The following LHX4 variants were observed in gnomAD, a reference collection of about 807,000 sequenced individuals.
LHX4 encodes the protein LIM homeobox 4.
LHX4 carries 16 observed loss-of-function variants against 39.2 expected under a neutral mutation model. The ratio of observed to expected loss-of-function variants is 0.41; its 90% CI spans 0.28 to 0.62. The LOEUF is 0.62. Among genes scored for constraint, LHX4 ranks in the 20% least tolerant of loss-of-function variants. LHX4 has a pLI of 0.33. For missense variants in LHX4, 439 were observed against 511.9 expected (o/e 0.86, Z 1.37); for synonymous variants, 206 against 198.1 (o/e 1.04, Z -0.33).
At chr1:180,257,792 C>T (rs71630256) in intron 2 of LHX4, among the ~76,000 whole-genome samples, 21,429 of 152,190 alleles carry the variant, frequency 0.14, 1,858 homozygotes, top group Admixed American at 0.22. Flanking sequence ...GGCAGCTCCA[C>T]GCACAGGAGG....
intron 1 of LHX4, among the ~76,000 whole-genome samples, chr1:180,240,407 T>G (rs1234889329): frequency 6.6e-6 from 1 of 152,166 alleles, no homozygotes; most frequent in Non-Finnish European, 1.5e-5. Context: ...AATGGAAAGA[T>G]CTGAAATTCT....
Position 180,248,447 on chromosome 1 carries a change from ACTT to A in LHX4, c.244_246del (p.Phe82del). 1 of 1,614,064 alleles carries A rather than the reference ACTT, an allele frequency of 6.2e-7. No individual in the cohort carries two copies. Among genetic ancestry groups the A allele is most frequent in the Non-Finnish European group, 8.5e-7 (1 of 1,180,020 alleles). On this transcript the variant is annotated inframe_deletion, in exon 2 of 6. Transcript: ENST00000263726. ...GCTGGGAGCGTCTACTGCAAGGAGG[ACTT>A]CTTCAAGTAAGTCAGAACGGTCCGT...
chr1:180,263,962 C>A (rs1648211418), intron 2 of LHX4, among the ~76,000 whole-genome samples: 1 of 152,098 alleles, frequency 6.6e-6, no homozygotes, highest in African/African-American at 2.4e-5. Flanking sequence ...AGCCTTGTTT[C>A]ATTTTAATTA....
intron 3 of LHX4, among the ~76,000 whole-genome samples, chr1:180,268,553 G>A (rs1648433988): frequency 6.6e-6 from 1 of 152,226 alleles, no homozygotes; most frequent in Admixed American, 6.5e-5. Flanking sequence ...AGAACTGGCT[G>A]ACCCTCGGCT....
chr1:180,246,947 C>A (rs1030071106), intron 1 of LHX4, among the ~76,000 whole-genome samples: 1 of 152,148 alleles, frequency 6.6e-6, no homozygotes, highest in African/African-American at 2.4e-5. Context: ...GCAAAGGTGT[C>A]TTTTATAATA....
At chr1:180,267,037 G>T (rs1378319100) in intron 3 of LHX4, among the ~76,000 whole-genome samples, 2 of 152,062 alleles carry the variant, frequency 1.3e-5, no homozygotes, top group African/African-American at 4.8e-5. Flanking sequence ...CCGTCGGTGA[G>T]AGCCCAGCAC....
rs1193157968 is a variant in LHX4 at position 180,276,970 on chromosome 1, T to C, written c.*2391T>C. The C allele has an allele frequency of 1.3e-5, 2 of 152,158 alleles. No individual in the cohort carries two copies. Among genetic ancestry groups the C allele is most frequent in the African/African-American group, 2.4e-5 (1 of 41,422 alleles). The allele number at this position is 152,158 out of a possible 1,614,324, so 9.4% of individuals were successfully genotyped here. A position where few individuals can be genotyped will look rare whatever the true frequency, so the allele number is the denominator to read the frequency against. ...GCCTTCCTCATTTATACTAATAATA[T>C]AATAAATCTCTTGAGGAACTCAGTG... On this transcript the variant is annotated 3_prime_UTR_variant, in exon 6 of 6. Coordinates refer to ENST00000263726, the MANE Select transcript of LHX4 (RefSeq NM_033343.4).
chr1:180,271,220 T>G (rs1236676471), intron 3 of LHX4, 160 bp from the exon 4 acceptor site: 3 of 777,778 alleles, frequency 3.9e-6, no homozygotes, highest in Non-Finnish European at 6.8e-6. Flanking sequence ...GTCAGTGCCA[T>G]GAGAGTGGGG....
At chr1:180,258,983 C>T (rs1029225615) in intron 2 of LHX4, among the ~76,000 whole-genome samples, 2 of 151,686 alleles carry the variant, frequency 1.3e-5, no homozygotes, top group South Asian at 2.1e-4. Context: ...GCAGAGGGTG[C>T]GGGGGGTGTT....
rs558679076 is a variant in LHX4 at position 180,278,111 on chromosome 1, C to T, written c.*3532C>T. The T allele has an allele frequency of 8.5e-5, 13 of 152,306 alleles. No homozygotes were observed. Among genetic ancestry groups the T allele is most frequent in the Admixed American group, 2.6e-4 (4 of 15,302 alleles). The allele number at this position is 152,306 out of a possible 1,614,324, so 9.4% of individuals were successfully genotyped here. On this transcript the variant is annotated 3_prime_UTR_variant, in exon 6 of 6. Coordinates refer to ENST00000263726, the MANE Select transcript of LHX4 (RefSeq NM_033343.4). The stretch of plus-strand genomic sequence containing the variant: ...TCCACTCTCTGCACCTACACTTCCA[C>T]GTGCCACGACTGACAACTTGGTTAT...
chr1:180,259,943 G>C (rs1017630726), intron 2 of LHX4, among the ~76,000 whole-genome samples: 3 of 151,664 alleles, frequency 2.0e-5, no homozygotes, highest in Admixed American at 2.0e-4. Flanking sequence ...GTCTGGGGGA[G>C]TGAGCGGTGG....
Position 180,234,195 on chromosome 1 carries a change from A to ATATATATATT in LHX4, c.76+3599_76+3600insTTATATATAT, listed in dbSNP as rs1664254610. Among the ~76,000 whole-genome samples, 2 of 89,276 alleles carry ATATATATATT rather than the reference A, an allele frequency of 2.2e-5. 1 individual carries two copies. The highest frequency in any genetic ancestry group is 4.2e-5 in the Non-Finnish European group (2 of 47,820). 58.6% of individuals were successfully genotyped at this position (89,276 alleles called of 152,430 possible). ...TATATATATATATATATATATATATATATATATATATATATATATATATAT... is the reference window on the plus strand; with the variant it reads ...TATATATATATATATATATATATATATATATATATTTATATATATATATATATATATATAT... On this transcript the variant is annotated intron_variant, in intron 1 of 5. Coordinates refer to ENST00000263726, the MANE Select transcript of LHX4 (RefSeq NM_033343.4). The surrounding 1 kb of genome is among the most constrained non-coding windows in gnomAD (Gnocchi z 4.8).
rs1260519311 is a variant in LHX4, at chr1:180,271,207, G to GGAGT, written c.452-172_452-169dup. On this transcript the variant is annotated intron_variant, in intron 3 of 5. Coordinates refer to ENST00000263726, the MANE Select transcript of LHX4 (RefSeq NM_033343.4). The stretch of plus-strand genomic sequence containing the variant: ...GTGGCTTGGGAAGGCCCGTGGTGCA[G>GGAGT]GAGTCAGTGCCATGAGAGTGGGGAC... The GGAGT allele has an allele frequency of 4.3e-5, 31 of 721,128 alleles. No individual in the cohort carries two copies. In the Middle Eastern group the frequency reaches 2.3e-3, roughly 53 times the overall value. The allele number at this position is 721,128 out of a possible 1,614,324, so 44.7% of individuals were successfully genotyped here. A position where few individuals can be genotyped will look rare whatever the true frequency, so the allele number is the denominator to read the frequency against.
intron 2 of LHX4, among the ~76,000 whole-genome samples, chr1:180,254,007 C>A (rs956416051): frequency 6.6e-6 from 1 of 152,170 alleles, no homozygotes; most frequent in South Asian, 2.1e-4. Flanking sequence ...GGAGTGAAAA[C>A]AAACAGAGCT....
At chr1:180,235,901 T>C (rs947875309) in intron 1 of LHX4, among the ~76,000 whole-genome samples, 1 of 151,816 alleles carries the variant, frequency 6.6e-6, no homozygotes, top group African/African-American at 2.4e-5. Flanking sequence ...TTTTAGACAG[T>C]GGGGCAAACG....
At position 180,271,949 on chromosome 1, in the gene LHX4, G is replaced by C. The variant is rs374399850; in HGVS notation, c.721G>C (p.Glu241Gln). The C allele has an allele frequency of 6.0e-5, 97 of 1,613,298 alleles. No individual in the cohort carries two copies. Among genetic ancestry groups the C allele is most frequent in the Non-Finnish European group, 7.8e-5 (92 of 1,179,902 alleles). Residue 241 changes from glutamate to glutamine, a missense_variant, in exon 5 of 6, where the codon GAG becomes CAG. Transcript: ENST00000263726. ...GAGGAGCCGGGGCAGCAGCAAGCAGGAGAAGGAGAGCTCTGCAGAGGACTG... is the reference window on the plus strand; with the variant it reads ...GAGGAGCCGGGGCAGCAGCAAGCAGCAGAAGGAGAGCTCTGCAGAGGACTG... The part of the protein sequence containing the change: ...VKRSRGSSKQ[E>Q]KESSAEDCGV...
Position 180,277,949 on chromosome 1 carries a change from T to C in LHX4, c.*3370T>C, listed in dbSNP as rs1453290766. The C allele has an allele frequency of 1.3e-5, 2 of 152,102 alleles. No individual in the cohort carries two copies. The highest frequency in any genetic ancestry group is 6.5e-5 in the Admixed American group (1 of 15,272). 9.4% of individuals were successfully genotyped at this position (152,102 alleles called of 1,614,324 possible). A position where few individuals can be genotyped will look rare whatever the true frequency, so the allele number is the denominator to read the frequency against. On this transcript the variant is annotated 3_prime_UTR_variant, in exon 6 of 6. Coordinates refer to ENST00000263726, the MANE Select transcript of LHX4 (RefSeq NM_033343.4). Reference sequence around the variant, plus strand: ...ATTAGATCTTCATCATTAAACTCACTTTGCAAGGAAGTGTAAGAAATCTGT... The same window carrying C: ...ATTAGATCTTCATCATTAAACTCACCTTGCAAGGAAGTGTAAGAAATCTGT...
chr1:180,250,088 TCCTC>T (rs1647559333), intron 2 of LHX4, among the ~76,000 whole-genome samples: 1 of 152,096 alleles, frequency 6.6e-6, no homozygotes, highest in Non-Finnish European at 1.5e-5. Flanking sequence ...CTCTGGTCCT[TCCTC>T]TGAGCTTTTT....
intron 1 of LHX4, among the ~76,000 whole-genome samples, chr1:180,231,731 G>A (rs1285059929): frequency 6.6e-6 from 1 of 151,960 alleles, no homozygotes; most frequent in Non-Finnish European, 1.5e-5. Context: ...ACATCTTCGG[G>A]GTTTACTTTA....
Sources: gnomAD v4.1 joint callset for allele counts (sites outside exome capture counted in the v4.1 genomes callset) on GRCh38, gnomAD v4.1.1 for gene constraint, Gnocchi (gnomAD v3.1) non-coding constraint, MANE v1.5 for transcripts, NCBI Gene and HGNC (gene_info 2026-07-23, HGNC 2026-07-21) for gene names.